The following L3MBTL4 variants were observed in gnomAD, a reference collection of about 807,000 sequenced individuals.
The protein encoded by L3MBTL4 is L3MBTL histone methyl-lysine binding protein 4, also known as lethal(3)malignant brain tumor-like protein 4.
In L3MBTL4, 70 loss-of-function variants were observed where a neutral mutation model predicts 84.5. The ratio of observed to expected loss-of-function variants is 0.83; its 90% CI spans 0.68 to 1.01. The LOEUF is 1.01. Ranked by LOEUF, L3MBTL4 falls within the 50% of genes least tolerant of loss-of-function variation. The probability of loss-of-function intolerance (pLI) is 0.00; values close to 1 mark genes in which losing one functional copy is unlikely to be tolerated. For missense variants in L3MBTL4, 715 were observed against 754.8 expected (o/e 0.95, Z 0.62); for synonymous variants, 274 against 259.8 (o/e 1.05, Z -0.52).
chr18:6,211,133 T>C (rs1012254613), intron 12 of L3MBTL4, among the ~76,000 whole-genome samples: 1 of 152,234 alleles, frequency 6.6e-6, no homozygotes, highest in East Asian at 1.9e-4. Context: ...GTGCTGGAAT[T>C]TGAACCCAGA....
At chr18:6,054,819 T>C (rs1276185606) in intron 16 of L3MBTL4, among the ~76,000 whole-genome samples, 4 of 152,230 alleles carry the variant, frequency 2.6e-5, no homozygotes, top group Non-Finnish European at 5.9e-5. Context: ...ACCACAGACA[T>C]GGTTCTGTGG....
At chr18:6,139,866 C>A (rs1444901677) in intron 13 of L3MBTL4, among the ~76,000 whole-genome samples, 2 of 152,138 alleles carry the variant, frequency 1.3e-5, no homozygotes, top group African/African-American at 4.8e-5. Context: ...ATGCCTTGGG[C>A]TTCCACTATC....
At chr18:6,350,185 G>A (rs1320155851) in intron 1 of L3MBTL4, among the ~76,000 whole-genome samples, 1 of 152,124 alleles carries the variant, frequency 6.6e-6, no homozygotes, top group Non-Finnish European at 1.5e-5. Context: ...AACCCTCACG[G>A]CATTGGATTT....
At chr18:6,336,353 C>T (rs1310282847) in intron 1 of L3MBTL4, among the ~76,000 whole-genome samples, 1 of 151,992 alleles carries the variant, frequency 6.6e-6, no homozygotes, top group East Asian at 1.9e-4. Context: ...ACGTGATCTT[C>T]GGAGGCCAGA....
At chr18:5,980,680 C>A (rs557849) in intron 16 of L3MBTL4, among the ~76,000 whole-genome samples, 35,640 of 151,936 alleles carry the variant, frequency 0.23, 5,335 homozygotes, top group African/African-American at 0.41. Flanking sequence ...GATCTGCCCA[C>A]CTCGGCCTCC....
intron 3 of L3MBTL4, among the ~76,000 whole-genome samples, chr18:6,306,570 G>T (rs879449268): frequency 1.3e-5 from 2 of 152,078 alleles, no homozygotes; most frequent in African/African-American, 4.8e-5. Flanking sequence ...TCTATTTAAG[G>T]ATATTACAGA....
intron 1 of L3MBTL4, among the ~76,000 whole-genome samples, chr18:6,386,740 A>G (rs965604299): frequency 1.3e-5 from 2 of 152,176 alleles, no homozygotes; most frequent in African/African-American, 4.8e-5. Flanking sequence ...AGCCAAGGAG[A>G]CAGAGCAGGG....
At chr18:6,212,814 T>G (rs1391291167) in intron 12 of L3MBTL4, among the ~76,000 whole-genome samples, 1 of 152,196 alleles carries the variant, frequency 6.6e-6, no homozygotes, top group Non-Finnish European at 1.5e-5. Context: ...GATTTCCCCC[T>G]GCACATACAC....
rs188923739 is a variant in L3MBTL4 at position 6,393,820 on chromosome 18, C to A, written c.-91+20981G>T. Among the ~76,000 whole-genome samples the A allele has an allele frequency of 1.2e-3, 185 of 152,330 alleles. 2 individuals are homozygous for A. Among genetic ancestry groups the A allele is most frequent in the African/African-American group, 4.3e-3 (180 of 41,582 alleles). On this transcript the variant is annotated intron_variant, in intron 1 of 18. Transcript: ENST00000317931. ...CCACGGCCAGTGATACTCATAAAGC[C>A]TAGGTCCATCCCTGTCAACCCTCTG...
intron 16 of L3MBTL4, among the ~76,000 whole-genome samples, chr18:6,053,532 G>C (rs1339259368): frequency 6.6e-6 from 1 of 152,190 alleles, no homozygotes. Context: ...CTTGCACAAA[G>C]ATTACTTCTG....
rs1447578694 is a variant in L3MBTL4, at chr18:6,030,136, C to CACAT, written c.1444+50741_1444+50744dup. ...TGGTATGCCATCACTTGTGTAAATA[C>CACAT]ACATACACACATATATTTAAATAAA... On this transcript the variant is annotated intron_variant, in intron 16 of 18. Transcript: ENST00000317931. 22 of 798,632 alleles carry CACAT rather than the reference C, an allele frequency of 2.8e-5. No homozygotes were observed. In the Admixed American group the frequency reaches 6.2e-4, roughly 23 times the overall value. The allele number at this position is 798,632 out of a possible 1,614,324, so 49.5% of individuals were successfully genotyped here.
At chr18:6,373,545 T>C (rs2054246519) in intron 1 of L3MBTL4, among the ~76,000 whole-genome samples, 1 of 152,136 alleles carries the variant, frequency 6.6e-6, no homozygotes, top group Non-Finnish European at 1.5e-5. Flanking sequence ...AGTGAGATCT[T>C]AGAGCTTTGA....
chr18:6,145,129 T>C (rs1309756062), intron 13 of L3MBTL4, among the ~76,000 whole-genome samples: 2 of 152,212 alleles, frequency 1.3e-5, no homozygotes, highest in Non-Finnish European at 2.9e-5. Flanking sequence ...GCGTATGTAT[T>C]TCAGACATAT....
At chr18:6,084,602 A>G (rs1433635482) in intron 15 of L3MBTL4, among the ~76,000 whole-genome samples, 1 of 152,166 alleles carries the variant, frequency 6.6e-6, no homozygotes, top group Non-Finnish European at 1.5e-5. Flanking sequence ...CATTTCTCTG[A>G]GATTTTCCTG....
intron 16 of L3MBTL4, among the ~76,000 whole-genome samples, chr18:6,071,724 A>AGAAG (rs1396596433): frequency 1.5e-4 from 16 of 110,040 alleles, no homozygotes; most frequent in Admixed American, 3.1e-4. Context: ...AAGGAAAGAA[A>AGAAG]GAAGGAAAGA....
At chr18:6,326,487 G>A (rs1431975161) in intron 1 of L3MBTL4, 6 of 152,240 alleles carry the variant, frequency 3.9e-5, no homozygotes, top group East Asian at 1.9e-4. Context: ...TCCTGGGAAA[G>A]AGCATCCAAT....
chr18:5,957,783 C>A (rs1223081333), intron 18 of L3MBTL4, among the ~76,000 whole-genome samples: 3 of 151,292 alleles, frequency 2.0e-5, no homozygotes, highest in Non-Finnish European at 4.4e-5. Flanking sequence ...TGGTGAGACC[C>A]CCCGCCCCTG....
At chr18:6,186,218 A>T (rs971843121) in intron 12 of L3MBTL4, among the ~76,000 whole-genome samples, 5 of 151,488 alleles carry the variant, frequency 3.3e-5, no homozygotes, top group African/African-American at 9.7e-5. Context: ...AGATTTTTGT[A>T]TTTAGTAGAG....
chr18:6,297,543 A>G (rs2050157782), intron 4 of L3MBTL4, among the ~76,000 whole-genome samples: 1 of 152,206 alleles, frequency 6.6e-6, no homozygotes, highest in East Asian at 1.9e-4. Context: ...TTTTTCCAAA[A>G]ATAAAAGTTT....
Sources: gnomAD v4.1 joint callset for allele counts (sites outside exome capture counted in the v4.1 genomes callset) on GRCh38, gnomAD v4.1.1 for gene constraint, MANE v1.5 for transcripts, NCBI Gene and HGNC (gene_info 2026-07-23, HGNC 2026-07-21) for gene names.